Variants in ZNF610 observed in about 807,000 individuals in gnomAD.
ZNF610 encodes zinc finger protein 610.
Under a neutral mutation model 14.1 loss-of-function variants are expected in ZNF610, and 14 were observed. That is an observed-to-expected ratio of 0.99 (90% CI 0.65 to 1.55). ZNF610 has a LOEUF of 1.55. Among genes scored for constraint, ZNF610 ranks in the 40% most tolerant of loss-of-function variants. ZNF610 has a pLI of 0.00. For missense variants in ZNF610, 530 were observed against 558.0 expected (o/e 0.95, Z 0.51); for synonymous variants, 185 against 187.6 (o/e 0.99, Z 0.11).
chr19:52,349,380 G>A, intron 3 of ZNF610, 145 bp downstream of exon 3: 1 of 1,357,788 alleles, frequency 7.4e-7, no homozygotes, highest in Non-Finnish European at 1.0e-6. Context: ...GTGACCCAGT[G>A]ACATGAATGT....
At chr19:52,334,960 A>ACACACACAG (rs59969071), upstream of ZNF610, among the ~76,000 whole-genome samples, 604 of 136,556 alleles carry the variant, frequency 4.4e-3, 11 homozygotes, top group African/African-American at 0.015. Flanking sequence ...CACACACACA[A>ACACACACAG]TGTAATTTAC....
At chr19:52,340,363 A>ATT (rs1984626440) in intron 1 of ZNF610, among the ~76,000 whole-genome samples, 2 of 152,162 alleles carry the variant, frequency 1.3e-5, no homozygotes, top group Non-Finnish European at 2.9e-5. Context: ...AGCCTGGGCG[A>ATT]CAGTGAAACT....
Position 52,366,334 on chromosome 19 carries a change from A to C in ZNF610, c.956A>C (p.Asn319Thr). 1 of 1,614,120 alleles carries C rather than the reference A, an allele frequency of 6.2e-7. No individual in the cohort carries two copies. Among genetic ancestry groups the C allele is most frequent in the Non-Finnish European group, 8.5e-7 (1 of 1,180,010 alleles). The change falls in exon 6 of 6, where the codon AAT becomes ACT. Residue 319 changes from asparagine to threonine, a missense_variant. Transcript: ENST00000403906. Reference sequence around the variant, plus strand: ...ACTGGAGAGAAACCTTACAAATGTAATGAGTGTGGCAAGAACTTCAGGCAC... The same window carrying C: ...ACTGGAGAGAAACCTTACAAATGTACTGAGTGTGGCAAGAACTTCAGGCAC... ...IHTGEKPYKC[N>T]ECGKNFRHKF...
the ZNF610 span, among the ~76,000 whole-genome samples, chr19:52,331,004 G>A: frequency 2.0e-5 from 3 of 152,142 alleles, no homozygotes; most frequent in Non-Finnish European, 4.4e-5. Context: ...AATAACTCTT[G>A]TAGACACTCC....
upstream of ZNF610, among the ~76,000 whole-genome samples, chr19:52,334,450 T>C (rs765720341): frequency 6.1e-4 from 88 of 143,910 alleles, no homozygotes; most frequent in Non-Finnish European, 1.1e-3. Flanking sequence ...GAGTTGGAGG[T>C]TGCAGTGAGC....
chr19:52,334,936 A>AACACACACATACACACAC (rs1984300792), upstream of ZNF610, among the ~76,000 whole-genome samples: 1 of 41,536 alleles, frequency 2.4e-5, no homozygotes, highest in Non-Finnish European at 5.0e-5. Context: ...CTCAAAAACA[A>AACACACACATACACACAC]ACACACACAC....
At chr19:52,353,013 A>G (rs1165046045) in intron 3 of ZNF610, among the ~76,000 whole-genome samples, 1 of 151,998 alleles carries the variant, frequency 6.6e-6, no homozygotes, top group Non-Finnish European at 1.5e-5. Flanking sequence ...ATCTCGGCTC[A>G]CTGCAACCTC....
upstream of ZNF610, among the ~76,000 whole-genome samples, chr19:52,336,093 C>A (rs1285695245): frequency 2.0e-5 from 3 of 152,162 alleles, no homozygotes; most frequent in African/African-American, 7.2e-5. Context: ...TTGCTTTGCT[C>A]CGGCAGGATC....
At position 52,366,756 on chromosome 19, in the gene ZNF610, C is replaced by G; in HGVS notation, c.1378C>G (p.Gln460Glu). The G allele has an allele frequency of 5.6e-6, 9 of 1,609,286 alleles. No homozygotes were observed. Among genetic ancestry groups the G allele is most frequent in the Non-Finnish European group, 7.6e-6 (9 of 1,176,520 alleles). Residue 460 changes from glutamine (Q) to glutamate (E), a missense_variant, in exon 6 of 6, where the codon CAG (glutamine) becomes GAG (glutamate). By Grantham distance (29) the Gln-to-Glu change is conservative (BLOSUM62 2). Transcript: ENST00000403906. ...TGGAGAGAATTCACTGCGTACCTTACAGATGGAATGAATGTGGCAAAATCT... is the reference window on the plus strand; with the variant it reads ...TGGAGAGAATTCACTGCGTACCTTAGAGATGGAATGAATGTGGCAAAATCT... ...HAGENSLRTL[Q>E]ME
intron 5 of ZNF610, among the ~76,000 whole-genome samples, chr19:52,356,799 A>G (rs954583802): frequency 1.3e-5 from 2 of 152,240 alleles, no homozygotes; most frequent in African/African-American, 4.8e-5. Flanking sequence ...AAATACCATT[A>G]CACTGACTTG....
At chr19:52,340,741 C>T (rs747556556) in intron 1 of ZNF610, among the ~76,000 whole-genome samples, 12 of 151,868 alleles carry the variant, frequency 7.9e-5, no homozygotes, top group South Asian at 2.1e-4. Context: ...AATGTAATGG[C>T]GCAATCTCCA....
intron 1 of ZNF610, among the ~76,000 whole-genome samples, chr19:52,344,576 A>G (rs1489919219): frequency 6.6e-6 from 1 of 152,116 alleles, no homozygotes; most frequent in Non-Finnish European, 1.5e-5. Context: ...CCTTACAGAG[A>G]TTCTGATTTC....
chr19:52,338,404 C>G (rs1023752071), intron 1 of ZNF610, among the ~76,000 whole-genome samples: 1 of 152,174 alleles, frequency 6.6e-6, no homozygotes, highest in African/African-American at 2.4e-5. Flanking sequence ...GGCTTTTGGA[C>G]CAGGCGCAGT....
At position 52,367,059 on chromosome 19, in the gene ZNF610, A is replaced by T; in HGVS notation, c.*292A>T. On this transcript the variant is annotated 3_prime_UTR_variant, in exon 6 of 6. Coordinates refer to ENST00000403906, the MANE Select transcript of ZNF610 (RefSeq NM_001161425.2). Reference sequence around the variant, plus strand: ...TTAACTGCTGGCACCGTAATTTGTAACTCTTTGATTTAGAATGTACATACT... The same window carrying T: ...TTAACTGCTGGCACCGTAATTTGTATCTCTTTGATTTAGAATGTACATACT... 1 of 361,648 alleles carries T rather than the reference A, an allele frequency of 2.8e-6. No individual in the cohort carries two copies. The highest frequency in any genetic ancestry group is 4.9e-6 in the Non-Finnish European group (1 of 203,178). The allele number at this position is 361,648 out of a possible 1,614,324, so 22.4% of individuals were successfully genotyped here. A position where few individuals can be genotyped will look rare whatever the true frequency, so the allele number is the denominator to read the frequency against.
chr19:52,366,341 TG>T lies in ZNF610; in HGVS notation c.965del (p.Gly322AlafsTer10). 6.2e-7 allele frequency: 1 copy of T among 1,614,142 alleles called. No individual in the cohort carries two copies. The highest frequency in any genetic ancestry group is 8.5e-7 in the Non-Finnish European group (1 of 1,180,024). On this transcript the variant is annotated frameshift_variant, in exon 6 of 6. Coordinates refer to ENST00000403906, the MANE Select transcript of ZNF610 (RefSeq NM_001161425.2). LOFTEE classifies it low-confidence loss of function (END_TRUNC). ...GEKPYKCNEC[G>X]KNFRHKFSLT... Reference sequence around the variant, plus strand: ...AGAAACCTTACAAATGTAATGAGTGTGGCAAGAACTTCAGGCACAAATTTTC... The same window carrying T: ...AGAAACCTTACAAATGTAATGAGTGTGCAAGAACTTCAGGCACAAATTTTC...
At chr19:52,334,698 GCAGGAGAATCACCTGAGGT>G (rs1389405975), upstream of ZNF610, among the ~76,000 whole-genome samples, 2 of 151,910 alleles carry the variant, frequency 1.3e-5, no homozygotes, top group African/African-American at 4.8e-5. Context: ...AATCTTTCAG[GCAGGAGAATCACCTGAGGT>G]CAGGAGTTTG....
At chr19:52,339,094 G>A (rs765305413) in intron 1 of ZNF610, among the ~76,000 whole-genome samples, 1 of 152,016 alleles carries the variant, frequency 6.6e-6, no homozygotes, top group African/African-American at 2.4e-5. Flanking sequence ...TGATGTGCAT[G>A]TATACAAACA....
chr19:52,346,309 C>T (rs1205554554), intron 1 of ZNF610, among the ~76,000 whole-genome samples: 1 of 151,204 alleles, frequency 6.6e-6, no homozygotes, highest in Non-Finnish European at 1.5e-5. Flanking sequence ...GGATTACAGG[C>T]ATGCGCCACC....
At chr19:52,342,275 T>C (rs116021916) in intron 1 of ZNF610, among the ~76,000 whole-genome samples, 5,470 of 152,240 alleles carry the variant, frequency 0.036, 315 homozygotes, top group African/African-American at 0.12. Flanking sequence ...ATTTTCCTTC[T>C]ACTCTTCTAT....
Sources: gnomAD v4.1 joint callset for allele counts (sites outside exome capture counted in the v4.1 genomes callset) on GRCh38, gnomAD v4.1.1 for gene constraint, MANE v1.5 for transcripts, NCBI Gene and HGNC (gene_info 2026-07-23, HGNC 2026-07-21) for gene names.